The following SLC22A7 variants were observed in gnomAD, a reference collection of about 807,000 sequenced individuals.
The protein encoded by SLC22A7 is hOAT2.
Under a neutral mutation model 62.2 loss-of-function variants are expected in SLC22A7, and 48 were observed. The ratio of observed to expected loss-of-function variants is 0.77; its 90% confidence interval spans 0.61 to 0.98. SLC22A7 has a LOEUF of 0.98. Among genes scored for constraint, SLC22A7 ranks in the 50% least tolerant of loss-of-function variants. The pLI, the probability that SLC22A7 is intolerant of heterozygous loss-of-function variation, is 0.00. For missense variants in SLC22A7, 581 were observed against 703.8 expected, an observed-to-expected ratio of 0.83 and a Z score of 1.97; for synonymous variants, 276 against 314.8, an observed-to-expected ratio of 0.88 and a Z score of 1.30.
At position 43,304,653 on chromosome 6, in the gene SLC22A7, C is replaced by T; in HGVS notation, c.1593-18C>T. 6.2e-7 allele frequency: 1 copy of T among 1,603,090 alleles called. No homozygotes were observed. The highest frequency in any genetic ancestry group is 8.5e-7 in the Non-Finnish European group (1 of 1,172,614). On this transcript the variant is annotated intron_variant, in intron 10 of 10. Transcript: ENST00000372585. ...GGGGATTAAACCCCACCATTGCTCA[C>T]AACTCCTTCCTCCCTAGTGCCCCAA...
rs925358942 is a variant in SLC22A7, at chr6:43,298,675, A to T, written c.317A>T (p.Asp106Val). ...EERQSRGELE[D>V]EPATVPCSQG... ...AGGCAGAGCCGTGGGGAGCTGGAGG[A>T]TGAACCTGCCACAGTGCCCTGCTCT... is the stretch of plus-strand genomic sequence containing the variant. Residue 106 changes from aspartate to valine, a missense_variant, in exon 1 of 11, where the codon GAT (aspartate) becomes GTT (valine). Asp to Val is a radical substitution (Grantham distance 152). Coordinates refer to ENST00000372585, the MANE Select transcript of SLC22A7 (RefSeq NM_153320.2). 3 of 1,560,208 alleles carry T rather than the reference A, an allele frequency of 1.9e-6. No homozygotes were observed. The African/African-American group carries it at 4.1e-5, about 21-fold the overall frequency.
Position 43,298,293 on chromosome 6 carries a change from T to C in SLC22A7, c.-66T>C, listed in dbSNP as rs1206888988. 3.6e-6 allele frequency: 5 copies of C among 1,386,846 alleles called. No individual in the cohort carries two copies. The East Asian group carries it at 9.3e-5, about 26-fold the overall frequency. The allele number at this position is 1,386,846 out of a possible 1,614,324, so 85.9% of individuals were successfully genotyped here. On this transcript the variant is annotated 5_prime_UTR_variant, in exon 1 of 11. Transcript: ENST00000372585. ...CTCCAGAGTCCAAGGGTCTATGTGGTGGGCAGTTTGAGCTGGCTGGATACT... is the reference window on the plus strand; with the variant it reads ...CTCCAGAGTCCAAGGGTCTATGTGGCGGGCAGTTTGAGCTGGCTGGATACT...
At chr6:43,300,884 C>T (rs1401568154) in intron 5 of SLC22A7, among the ~76,000 whole-genome samples, 9 of 152,204 alleles carry the variant, frequency 5.9e-5, no homozygotes, top group South Asian at 2.1e-4. Context: ...CCCACCCTCC[C>T]GCCTTGACCT....
chr6:43,299,981 GC>G lies in SLC22A7; in HGVS notation c.743del (p.Ala248AspfsTer6). ...TFWTGGVMLLALVGYLIRDWR... is the reference protein window; with the variant it reads ...TFWTGGVMLLXLVGYLIRDWR... ...CTGGACAGGGGGCGTGATGCTGCTGGCACTGGTTGGGTACCTGATACGGGAC... is the reference window on the plus strand; with the variant it reads ...CTGGACAGGGGGCGTGATGCTGCTGGACTGGTTGGGTACCTGATACGGGAC... On this transcript the variant is annotated frameshift_variant, in exon 5 of 11. Transcript: ENST00000372585. LOFTEE classifies it high-confidence loss of function. This position sits in a 1 kb window ranked among gnomAD's most constrained non-coding sequence, Gnocchi z 4.4. 1 of 1,614,150 alleles carries G rather than the reference GC, an allele frequency of 6.2e-7. No homozygotes were observed. The highest frequency in any genetic ancestry group is 8.5e-7 in the Non-Finnish European group (1 of 1,180,026).
At chr6:43,300,088 G>C in intron 5 of SLC22A7, 22 bp downstream of exon 5, 1 of 1,612,606 alleles carries the variant, frequency 6.2e-7, no homozygotes, top group Non-Finnish European at 8.5e-7. Context: ...AGGCAGCTGG[G>C]GAGCGGGAGA....
At chr6:43,298,880 G>A in intron 1 of SLC22A7, 129 bp downstream of exon 1, 1 of 1,368,924 alleles carries the variant, frequency 7.3e-7, no homozygotes, top group South Asian at 1.5e-5. Flanking sequence ...CTGTAGATGG[G>A]GGCTATGAAT....
rs70953688 is a variant in SLC22A7 at position 43,302,994 on chromosome 6, C to A, written c.1385+231C>A. The A allele has an allele frequency of 8.6e-6, 4 of 466,538 alleles. No homozygotes were observed. Among genetic ancestry groups the A allele is most frequent in the African/African-American group, 4.3e-5 (2 of 46,890 alleles). The allele number at this position is 466,538 out of a possible 1,614,324, so 28.9% of individuals were successfully genotyped here. On this transcript the variant is annotated intron_variant, in intron 9 of 10. Coordinates refer to ENST00000372585, the MANE Select transcript of SLC22A7 (RefSeq NM_153320.2). This position sits in a 1 kb window ranked among gnomAD's most constrained non-coding sequence, Gnocchi z 5.0. ...AGTGCTCGTATTACAGGCACTATTA[C>A]AGGCATGAGCCACCGCACCCAGCCT...
intron 6 of SLC22A7, 53 bp from the exon 7 acceptor site, chr6:43,301,530 T>C (rs1314813334): frequency 5.0e-6 from 7 of 1,403,116 alleles, no homozygotes; most frequent in African/African-American, 2.8e-5. Context: ...CTGTGTCCCA[T>C]TGAGATCACA....
chr6:43,297,197 C>T (rs1778582472), upstream of SLC22A7, among the ~76,000 whole-genome samples: 1 of 152,158 alleles, frequency 6.6e-6, no homozygotes, highest in Non-Finnish European at 1.5e-5. Context: ...CAGACTGGGA[C>T]ATCACCAGCT....
At chr6:43,303,132 G>A (rs1778814061) in intron 9 of SLC22A7, 1 of 985,404 alleles carries the variant, frequency 1.0e-6, no homozygotes. Context: ...GTGACCCTGA[G>A]CCACGTCAGA....
chr6:43,302,389 C>T lies in SLC22A7; in HGVS notation c.1251C>T (p.Phe417=), dbSNP rs767970712. 2.4e-5 allele frequency: 38 copies of T among 1,603,946 alleles called. No homozygotes were observed. The Middle Eastern group carries it at 6.4e-4, about 27-fold the overall frequency. ...AGTLLGTALA[F]GTRLLVSSDM... is the part of the protein sequence containing the mutation. Reference sequence around the variant, plus strand: ...CACTGCTGGGCACGGCCCTGGCGTTCGGCACTAGACTGCTAGTGTCCTCCG... The same window carrying T: ...CACTGCTGGGCACGGCCCTGGCGTTTGGCACTAGACTGCTAGTGTCCTCCG... Residue 417 remains phenylalanine, a synonymous_variant, in exon 8 of 11, where the codon TTC becomes TTT. Coordinates refer to ENST00000372585, the MANE Select transcript of SLC22A7 (RefSeq NM_153320.2). This position sits in a 1 kb window ranked among gnomAD's most constrained non-coding sequence, Gnocchi z 5.0.
At chr6:43,303,898 TG>T in intron 9 of SLC22A7, 139 bp from the exon 10 acceptor site, 1 of 683,020 alleles carries the variant, frequency 1.5e-6, no homozygotes, top group African/African-American at 1.8e-5. Context: ...GAAGACCAAC[TG>T]AAAGAAGTCC....
chr6:43,305,491 G>T lies in SLC22A7; in HGVS notation c.*766G>T. 1 of 390,214 alleles carries T rather than the reference G, an allele frequency of 2.6e-6. No individual in the cohort carries two copies. Among genetic ancestry groups the T allele is most frequent in the Non-Finnish European group, 4.7e-6 (1 of 213,382 alleles). The allele number at this position is 390,214 out of a possible 1,614,324, so 24.2% of individuals were successfully genotyped here. A position where few individuals can be genotyped will look rare whatever the true frequency, so the allele number is the denominator to read the frequency against. On this transcript the variant is annotated 3_prime_UTR_variant, in exon 11 of 11. Transcript: ENST00000372585. ...AAGGCATGGGAGCCAACATTTTATT[G>T]AAGAAGCCACAGAGGCTGAAATTCA...
rs746094446 is a variant in SLC22A7, at chr6:43,301,712, T to G, written c.1061+20T>G. 6.3e-7 allele frequency: 1 copy of G among 1,583,470 alleles called. No individual in the cohort carries two copies. The highest frequency in any genetic ancestry group is 8.6e-7 in the Non-Finnish European group (1 of 1,157,340). On this transcript the variant is annotated intron_variant, in intron 7 of 10. Transcript: ENST00000372585. ...GGTGTGGTGAGGAGGCTGGCTTGGGTCTGGCATGGGTGTGGTGGGAGGGAG... is the reference window on the plus strand; with the variant it reads ...GGTGTGGTGAGGAGGCTGGCTTGGGGCTGGCATGGGTGTGGTGGGAGGGAG...
chr6:43,299,330 T>G lies in SLC22A7; in HGVS notation c.400-60T>G. 1 of 1,610,194 alleles carries G rather than the reference T, an allele frequency of 6.2e-7. No homozygotes were observed. The highest frequency in any genetic ancestry group is 8.5e-7 in the Non-Finnish European group (1 of 1,177,634). ...GCTCCAGGGTCTGGAGAGGAGGAGC[T>G]GGTGCCTGCTGGAGAGGGGCTGATG... On this transcript the variant is annotated intron_variant, in intron 2 of 10. Coordinates refer to ENST00000372585, the MANE Select transcript of SLC22A7 (RefSeq NM_153320.2). The surrounding 1 kb of genome is among the most constrained non-coding windows in gnomAD (Gnocchi z 4.4).
In SLC22A7 at chr6:43,304,926, C is replaced by A; in HGVS notation, c.*201C>A. On this transcript the variant is annotated 3_prime_UTR_variant, in exon 11 of 11. Coordinates refer to ENST00000372585, the MANE Select transcript of SLC22A7 (RefSeq NM_153320.2). ...TGACTTCCCAGAATGCAGTGGGCTG[C>A]TGGGCACCCCTCTCACGGTTGGGGA... 1 of 448,416 alleles carries A rather than the reference C, an allele frequency of 2.2e-6. No individual in the cohort carries two copies. Among genetic ancestry groups the A allele is most frequent in the Non-Finnish European group, 3.9e-6 (1 of 253,642 alleles). 27.8% of individuals were successfully genotyped at this position (448,416 alleles called of 1,614,324 possible). A position where few individuals can be genotyped will look rare whatever the true frequency, so the allele number is the denominator to read the frequency against.
chr6:43,298,180 A>G, upstream of SLC22A7: 1 of 589,862 alleles, frequency 1.7e-6, no homozygotes, highest in Non-Finnish European at 3.0e-6. Context: ...AGGTCCCTGG[A>G]GACCTGATGG....
rs937619504 is a variant in SLC22A7 at position 43,302,336 on chromosome 6, G to A, written c.1198G>A (p.Ala400Thr). 3 of 1,613,186 alleles carry A rather than the reference G, an allele frequency of 1.9e-6. No homozygotes were observed. The highest frequency in any genetic ancestry group is 2.2e-5 in the South Asian group (2 of 91,030). ...KLLVYLSVRYAGRRLTQAGTL... is the reference protein window; with the variant it reads ...KLLVYLSVRYTGRRLTQAGTL... ...GCTGGTCTACTTGTCGGTGCGCTAC[G>A]CAGGACGCCGCCTCACGCAAGCCGG... Residue 400 changes from alanine to threonine, a missense_variant, in exon 8 of 11, where the codon GCA (alanine) becomes ACA (threonine). Transcript: ENST00000372585. This position sits in a 1 kb window ranked among gnomAD's most constrained non-coding sequence, Gnocchi z 5.0.
intron 9 of SLC22A7, chr6:43,303,156 C>CCT: frequency 1.0e-6 from 1 of 985,368 alleles, no homozygotes; most frequent in Non-Finnish European, 1.2e-6. Flanking sequence ...CCTCTCTGGG[C>CCT]CTCCTTAAGA....
Sources: allele counts gnomAD v4.1 joint callset (sites outside exome capture counted in the v4.1 genomes callset), GRCh38; gene constraint gnomAD v4.1.1; non-coding constraint Gnocchi (gnomAD v3.1); transcripts MANE v1.5; gene names NCBI Gene and HGNC (gene_info 2026-07-23, HGNC 2026-07-21).